The following PCDHGA1 variants were observed in gnomAD, a reference collection of about 807,000 sequenced individuals.
The protein encoded by PCDHGA1 is protocadherin gamma subfamily A, 1.
PCDHGA1 carries 32 observed loss-of-function variants against 58.0 expected under a neutral mutation model. The ratio of observed to expected loss-of-function variants is 0.55; its 90% CI spans 0.42 to 0.74. The LOEUF (loss-of-function observed/expected upper bound fraction) is 0.74. PCDHGA1 is among the 30% of genes least tolerant of loss of function. The pLI, the probability that PCDHGA1 is intolerant of heterozygous loss-of-function variation, is 0.00. For missense variants in PCDHGA1, 1,205 were observed against 1,182.3 expected, an observed-to-expected ratio of 1.02 and a Z score of -0.28; for synonymous variants, 498 against 501.1, an observed-to-expected ratio of 0.99 and a Z score of 0.08.
At chr5:141,374,994 C>A in intron 1 of PCDHGA1, 2 of 1,614,038 alleles carry the variant, frequency 1.2e-6, no homozygotes, top group Non-Finnish European at 1.7e-6. Flanking sequence ...ATTTCAACTT[C>A]TGCAAATCTA....
At chr5:141,419,051 T>A (rs1007349455) in intron 1 of PCDHGA1, 6 of 1,613,950 alleles carry the variant, frequency 3.7e-6, no homozygotes, top group East Asian at 2.2e-5. Context: ...TCATTCTTCT[T>A]CTAATAATTA....
chr5:141,379,938 C>G (rs1220422667), intron 1 of PCDHGA1, among the ~76,000 whole-genome samples: 1 of 86,936 alleles, frequency 1.2e-5, no homozygotes, highest in African/African-American at 4.3e-5. Context: ...CTTGCTCTGT[C>G]TCCCAGGCTG....
chr5:141,442,321 C>G (rs1323525940), intron 1 of PCDHGA1: 1 of 152,360 alleles, frequency 6.6e-6, no homozygotes, highest in African/African-American at 2.4e-5. Context: ...ATGTCTATCC[C>G]GCGCTAAGCC....
chr5:141,370,488 C>G (rs758506114), intron 1 of PCDHGA1: 2 of 1,613,906 alleles, frequency 1.2e-6, no homozygotes, highest in South Asian at 2.2e-5. Context: ...TCTCTCCGAA[C>G]CGATCCGCTA....
Position 141,490,683 on chromosome 5 carries a change from A to C in PCDHGA1, c.2422-4124A>C, listed in dbSNP as rs766019662. 6 of 1,614,088 alleles carry C rather than the reference A, an allele frequency of 3.7e-6. No homozygotes were observed. The highest frequency in any genetic ancestry group is 5.1e-6 in the Non-Finnish European group (6 of 1,180,034). On this transcript the variant is annotated intron_variant, in intron 1 of 3. Transcript: ENST00000517417. The surrounding 1 kb of genome is among the most constrained non-coding windows in gnomAD (Gnocchi z 5.4). ...TTTGCACTGTGGCTGCCTCAGATCCAGACACTGGGGATAATGCCCGCCTCA... is the reference window on the plus strand; with the variant it reads ...TTTGCACTGTGGCTGCCTCAGATCCCGACACTGGGGATAATGCCCGCCTCA...
chr5:141,351,650 G>T, intron 1 of PCDHGA1: 1 of 1,613,996 alleles, frequency 6.2e-7, no homozygotes, highest in Non-Finnish European at 8.5e-7. Flanking sequence ...CAACCCACCT[G>T]GCGCCTCCAT....
At chr5:141,355,079 A>G in intron 1 of PCDHGA1, 1 of 1,415,968 alleles carries the variant, frequency 7.1e-7, no homozygotes, top group Non-Finnish European at 9.4e-7. Context: ...GAAAGCTTCA[A>G]GCGGAAGCCC....
Position 141,416,159 on chromosome 5 carries a change from T to C in PCDHGA1, c.2422-78648T>C, listed in dbSNP as rs116406525. ...CTATACTTTGTGGTGATAGTTGCAG[T>C]TGAATATACTAAGTTTTTCATTAAT... On this transcript the variant is annotated intron_variant, in intron 1 of 3. Transcript: ENST00000517417. 1,471 of 153,024 alleles carry C rather than the reference T, an allele frequency of 9.6e-3. 10 individuals carry two copies. Among genetic ancestry groups the C allele is most frequent in the Non-Finnish European group, 0.015 (1,026 of 68,518 alleles). 9.5% of individuals were successfully genotyped at this position (153,024 alleles called of 1,614,324 possible).
chr5:141,485,986 G>T lies in PCDHGA1; in HGVS notation c.2422-8821G>T, dbSNP rs2099622467. The T allele has an allele frequency of 1.2e-6, 2 of 1,614,084 alleles. No homozygotes were observed. Among genetic ancestry groups the T allele is most frequent in the African/African-American group, 1.3e-5 (1 of 74,936 alleles). On this transcript the variant is annotated intron_variant, in intron 1 of 3. Transcript: ENST00000517417. This position sits in a 1 kb window ranked among gnomAD's most constrained non-coding sequence, Gnocchi z 5.7. ...AGCTCAATGCCTCAGACCCGGACCT[G>T]GGTCCCAGTGGTAACGTCACCTTTT...
In PCDHGA1 at chr5:141,384,747, C is replaced by G. The variant is rs755356826; in HGVS notation, c.2421+51642C>G. 28 of 1,613,942 alleles carry G rather than the reference C, an allele frequency of 1.7e-5. No homozygotes were observed. The South Asian group carries it at 3.0e-4, about 17-fold the overall frequency. The stretch of plus-strand genomic sequence containing the variant: ...TGCTTAAGGCCAGCGAGCCAGGACT[C>G]TTTGCGGTTGGGCTGTACACGGGCG... On this transcript the variant is annotated intron_variant, in intron 1 of 3. Transcript: ENST00000517417.
At chr5:141,469,569 G>A (rs975304006) in intron 1 of PCDHGA1, among the ~76,000 whole-genome samples, 1 of 152,122 alleles carries the variant, frequency 6.6e-6, no homozygotes, top group Non-Finnish European at 1.5e-5. Flanking sequence ...GTGAGACTCT[G>A]TCTCTAAATA....
chr5:141,456,746 T>C (rs548254725), intron 1 of PCDHGA1, among the ~76,000 whole-genome samples: 51 of 151,874 alleles, frequency 3.4e-4, no homozygotes, highest in African/African-American at 1.0e-3. Context: ...GGGAGCATCA[T>C]GAGGTCAGGA....
rs551220443 is a variant in PCDHGA1, at chr5:141,432,206, G to A, written c.2422-62601G>A. On this transcript the variant is annotated intron_variant, in intron 1 of 3. Transcript: ENST00000517417. The surrounding 1 kb of genome is among the most constrained non-coding windows in gnomAD (Gnocchi z 6.0). ...GACCGCCCACGACCCCGACTGTGAA[G>A]AGAACGCCCAGATCACTTATTCCCT... The A allele has an allele frequency of 6.2e-7, 1 of 1,614,096 alleles. No individual in the cohort carries two copies. Among genetic ancestry groups the A allele is most frequent in the Non-Finnish European group, 8.5e-7 (1 of 1,180,042 alleles).
chr5:141,361,684 C>T, intron 1 of PCDHGA1: 1 of 1,613,590 alleles, frequency 6.2e-7, no homozygotes, highest in Non-Finnish European at 8.5e-7. Context: ...GGTGTTCGCG[C>T]AGCGCGCCTT....
rs767330174 is a variant in PCDHGA1, at chr5:141,491,818, C to T, written c.2422-2989C>T. The T allele has an allele frequency of 1.6e-5, 24 of 1,481,560 alleles. No homozygotes were observed. The highest frequency in any genetic ancestry group is 1.9e-5 in the Non-Finnish European group (21 of 1,116,446). 91.8% of individuals were successfully genotyped at this position (1,481,560 alleles called of 1,614,324 possible). A position where few individuals can be genotyped will look rare whatever the true frequency, so the allele number is the denominator to read the frequency against. On this transcript the variant is annotated intron_variant, in intron 1 of 3. Transcript: ENST00000517417. This position sits in a 1 kb window ranked among gnomAD's most constrained non-coding sequence, Gnocchi z 6.9. ...CTCCGGCCGGCTTGGTCGCTGGCTGCGCTCCACCCGATTCTCGGGATCATT... is the reference window on the plus strand; with the variant it reads ...CTCCGGCCGGCTTGGTCGCTGGCTGTGCTCCACCCGATTCTCGGGATCATT...
At chr5:141,434,561 G>A (rs2097702856) in intron 1 of PCDHGA1, among the ~76,000 whole-genome samples, 1 of 152,188 alleles carries the variant, frequency 6.6e-6, no homozygotes, top group Non-Finnish European at 1.5e-5. Flanking sequence ...GTGCCTTAAG[G>A]ACATGCCCCT....
chr5:141,442,981 C>T (rs2098357132), intron 1 of PCDHGA1, among the ~76,000 whole-genome samples: 1 of 152,142 alleles, frequency 6.6e-6, no homozygotes, highest in African/African-American at 2.4e-5. Flanking sequence ...ATAAAGTTAG[C>T]CTATAATTTC....
At chr5:141,380,474 C>T (rs1452214567) in intron 1 of PCDHGA1, among the ~76,000 whole-genome samples, 1 of 152,180 alleles carries the variant, frequency 6.6e-6, no homozygotes, top group Non-Finnish European at 1.5e-5. Context: ...GGTCAGGATT[C>T]TTCCCAATAT....
chr5:141,399,465 G>T, intron 1 of PCDHGA1: 1 of 1,614,014 alleles, frequency 6.2e-7, no homozygotes, highest in Non-Finnish European at 8.5e-7. Context: ...ATAACGCTCC[G>T]GTTTTCCACC....
Sources: allele counts gnomAD v4.1 joint callset (sites outside exome capture counted in the v4.1 genomes callset), GRCh38; gene constraint gnomAD v4.1.1; non-coding constraint Gnocchi (gnomAD v3.1); transcripts MANE v1.5; gene names NCBI Gene and HGNC (gene_info 2026-07-23, HGNC 2026-07-21).